The following EMP3 variants were observed in gnomAD, a reference collection of about 807,000 sequenced individuals.
EMP3 encodes epithelial membrane protein 3.
A neutral mutation model predicts 21.6 loss-of-function variants in EMP3; 15 were observed. The ratio of observed to expected loss-of-function variants is 0.69; its 90% CI spans 0.46 to 1.07. EMP3 has a LOEUF of 1.07. Ranked by LOEUF, EMP3 falls within the 50% of genes least tolerant of loss-of-function variation. The pLI, the probability that EMP3 is intolerant of heterozygous loss-of-function variation, is 0.00. For synonymous variants in EMP3, 107 were observed against 86.1 expected (o/e 1.24, Z -1.34); for missense variants, 183 against 206.6 (o/e 0.89, Z 0.70).
intron 1 of EMP3, 115 bp from the exon 2 acceptor site, chr19:48,326,715 C>T: frequency 1.2e-6 from 1 of 816,960 alleles, no homozygotes; most frequent in East Asian, 2.5e-5. Flanking sequence ...GTCTCGATCT[C>T]CTGACCTCAG....
chr19:48,329,216 C>A lies in EMP3; in HGVS notation c.182-136C>A. ...GGGCTCAAGGTCAAAATAAGTGATA[C>A]ATCTAAGTATCTAGGCTTGTATGGG... On this transcript the variant is annotated intron_variant, in intron 3 of 4. Coordinates refer to ENST00000270221, the MANE Select transcript of EMP3 (RefSeq NM_001425.3). The surrounding 1 kb of genome is among the most constrained non-coding windows in gnomAD (Gnocchi z 4.5). 9.8e-7 allele frequency: 1 copy of A among 1,024,298 alleles called. No homozygotes were observed. The highest frequency in any genetic ancestry group is 1.4e-6 in the Non-Finnish European group (1 of 707,508). 63.5% of individuals were successfully genotyped at this position (1,024,298 alleles called of 1,614,324 possible).
chr19:48,326,490 CA>C, intron 1 of EMP3, among the ~76,000 whole-genome samples: 1 of 128,668 alleles, frequency 7.8e-6, no homozygotes, highest in East Asian at 2.1e-4. Context: ...GCCTTTATGC[CA>C]AATTTTTTTT....
rs760407687 is a variant in EMP3 at position 48,327,589 on chromosome 19, C to T, written c.147C>T (p.Thr49=). 5 of 1,613,876 alleles carry T rather than the reference C, an allele frequency of 3.1e-6. No individual in the cohort carries two copies. In the Admixed American group the frequency reaches 8.3e-5, roughly 27 times the overall value. Residue 49 remains threonine, a synonymous_variant, in exon 3 of 5, where the codon ACC becomes ACT. Transcript: ENST00000270221. The part of the protein sequence containing the change: ...LWYDCTWNND[T]KTWACSNVSE... The stretch of plus-strand genomic sequence containing the variant: ...ACGACTGCACGTGGAACAACGACAC[C>T]AAAACATGGGCCTGCAGTAATGTCA...
chr19:48,327,768 T>C (rs1969148058), intron 3 of EMP3, 145 bp downstream of exon 3: 1 of 676,520 alleles, frequency 1.5e-6, no homozygotes, highest in East Asian at 2.8e-5. Context: ...CTAGGGCTAA[T>C]GCATGTCCCG....
At position 48,330,493 on chromosome 19, in the gene EMP3, C is replaced by A. The variant is rs922398588; in HGVS notation, c.*23C>A. The A allele has an allele frequency of 1.7e-5, 27 of 1,554,076 alleles. No individual in the cohort carries two copies. Among genetic ancestry groups the A allele is most frequent in the Non-Finnish European group, 2.2e-5 (26 of 1,159,304 alleles). ...TGAGCGCCCCGCCTCGCTCGGCTGCCCCCGCCCCTTCCCGGCCCCCCTCGC... is the reference window on the plus strand; with the variant it reads ...TGAGCGCCCCGCCTCGCTCGGCTGCACCCGCCCCTTCCCGGCCCCCCTCGC... On this transcript the variant is annotated 3_prime_UTR_variant, in exon 5 of 5. Transcript: ENST00000270221.
intron 3 of EMP3, 126 bp downstream of exon 3, chr19:48,327,749 G>T: frequency 1.3e-6 from 1 of 789,964 alleles, no homozygotes; most frequent in Non-Finnish European, 2.1e-6. Context: ...GGCCTGAGTG[G>T]CTGAGTGCCT....
intron 1 of EMP3, chr19:48,326,148 C>T (rs1277262753): frequency 6.6e-6 from 1 of 151,972 alleles, no homozygotes; most frequent in Non-Finnish European, 1.5e-5. Context: ...CTCACCAGGT[C>T]CCCCTCCTCC....
intron 2 of EMP3, 145 bp from the exon 3 acceptor site, chr19:48,327,376 C>T (rs1224388408): frequency 3.1e-6 from 2 of 646,046 alleles, no homozygotes; most frequent in African/African-American, 1.8e-5. Flanking sequence ...TGACCCTACC[C>T]CCTCTCATAT....
At position 48,326,453 on chromosome 19, in the gene EMP3, C is replaced by T. The variant is rs1250676431; in HGVS notation, c.-15-377C>T. ...AGACCCAGGAGTCTGCACCCATGCC[C>T]TTCCTCCATCAGGAGACATCTCACC... On this transcript the variant is annotated intron_variant, in intron 1 of 4. Transcript: ENST00000270221. Among the ~76,000 whole-genome samples the T allele has an allele frequency of 2.0e-5, 3 of 151,944 alleles. No homozygotes were observed. The East Asian group carries it at 5.8e-4, about 29-fold the overall frequency.
At position 48,329,378 on chromosome 19, in the gene EMP3, A is replaced by C. The variant is rs779411673; in HGVS notation, c.208A>C (p.Met70Leu). ...CTGGCTGAAGGCGGTGCAGGTCCTC[A>C]TGGTGCTCTCCCTCATTCTCTGCTG... Reference protein sequence around the residue: ...NGWLKAVQVLMVLSLILCCLS... With the variant: ...NGWLKAVQVLLVLSLILCCLS... Residue 70 changes from methionine (M) to leucine (L), a missense_variant, in exon 4 of 5, where the codon ATG becomes CTG. Transcript: ENST00000270221. The surrounding 1 kb of genome is among the most constrained non-coding windows in gnomAD (Gnocchi z 4.5). 1.2e-6 allele frequency: 2 copies of C among 1,613,994 alleles called. No homozygotes were observed. The highest frequency in any genetic ancestry group is 8.5e-7 in the Non-Finnish European group (1 of 1,179,996).
rs891521119 is a variant in EMP3 at position 48,329,620 on chromosome 19, G to C, written c.322+128G>C. On this transcript the variant is annotated intron_variant, in intron 4 of 4. Coordinates refer to ENST00000270221, the MANE Select transcript of EMP3 (RefSeq NM_001425.3). The surrounding 1 kb of genome is among the most constrained non-coding windows in gnomAD (Gnocchi z 4.5). Reference sequence around the variant, plus strand: ...AAAAACAACTTTCAACACCCCACGAGCCACAAGAGGTGCCTCCGTGGGCTA... The same window carrying C: ...AAAAACAACTTTCAACACCCCACGACCCACAAGAGGTGCCTCCGTGGGCTA... 7 of 1,237,978 alleles carry C rather than the reference G, an allele frequency of 5.7e-6. No individual in the cohort carries two copies. In the African/African-American group the frequency reaches 1.1e-4, roughly 19 times the overall value. 76.7% of individuals were successfully genotyped at this position (1,237,978 alleles called of 1,614,324 possible). A position where few individuals can be genotyped will look rare whatever the true frequency, so the allele number is the denominator to read the frequency against.
intron 2 of EMP3, among the ~76,000 whole-genome samples, chr19:48,327,182 G>A (rs1969136021): frequency 1.3e-5 from 2 of 152,024 alleles, no homozygotes; most frequent in South Asian, 4.2e-4. Flanking sequence ...AGAGGCACCT[G>A]CCACCAAGCC....
At position 48,326,466 on chromosome 19, in the gene EMP3, G is replaced by A. The variant is rs552475062; in HGVS notation, c.-15-364G>A. Among the ~76,000 whole-genome samples, 7 of 151,666 alleles carry A rather than the reference G, an allele frequency of 4.6e-5. No homozygotes were observed. In the South Asian group the frequency reaches 1.0e-3, roughly 23 times the overall value. Reference sequence around the variant, plus strand: ...TGCACCCATGCCCTTCCTCCATCAGGAGACATCTCACCTGCCTTTATGCCA... The same window carrying A: ...TGCACCCATGCCCTTCCTCCATCAGAAGACATCTCACCTGCCTTTATGCCA... On this transcript the variant is annotated intron_variant, in intron 1 of 4. Transcript: ENST00000270221.
Position 48,327,128 on chromosome 19 carries a change from G to A in EMP3, c.78+206G>A, listed in dbSNP as rs989120070. ...GCTCACTGCAACCTCGGCCTCCCGG[G>A]TTCAAGCGATTCTCCTGTCTCAGCC... On this transcript the variant is annotated intron_variant, in intron 2 of 4. Transcript: ENST00000270221. Among the ~76,000 whole-genome samples, 5 of 152,102 alleles carry A rather than the reference G, an allele frequency of 3.3e-5. No homozygotes were observed. The Middle Eastern group carries it at 0.01, about 310-fold the overall frequency.
chr19:48,326,656 A>G (rs568216753), intron 1 of EMP3, among the ~76,000 whole-genome samples, 174 bp from the exon 2 acceptor site: 2 of 151,832 alleles, frequency 1.3e-5, no homozygotes, highest in South Asian at 4.2e-4. Flanking sequence ...ACACCCAGCT[A>G]ATTTTGTATT....
Position 48,330,278 on chromosome 19 carries a change from CGTGT to C in EMP3, c.323-21_323-18del. 1.3e-6 allele frequency: 2 copies of C among 1,563,580 alleles called. No individual in the cohort carries two copies. Among genetic ancestry groups the C allele is most frequent in the Non-Finnish European group, 1.7e-6 (2 of 1,154,736 alleles). ...GTAGTCTTGAGGGGGCACTGCATGA[CGTGT>C]GGTTTTCATCTTCCGCAGGCGTGGC... On this transcript the variant is annotated intron_variant, in intron 4 of 4. Coordinates refer to ENST00000270221, the MANE Select transcript of EMP3 (RefSeq NM_001425.3).
In EMP3 at chr19:48,329,749, C is replaced by T. The variant is rs1241146987; in HGVS notation, c.322+257C>T. On this transcript the variant is annotated intron_variant, in intron 4 of 4. Coordinates refer to ENST00000270221, the MANE Select transcript of EMP3 (RefSeq NM_001425.3). This position sits in a 1 kb window ranked among gnomAD's most constrained non-coding sequence, Gnocchi z 4.5. ...CAGGGAACTCAGAGTTTCAGGGAGC[C>T]GGGGCTGGGGAAGGAGGTATAGGTA... is the stretch of plus-strand genomic sequence containing the variant. 6.6e-6 allele frequency among the ~76,000 whole-genome samples: 1 copy of T among 152,020 alleles called. No individual in the cohort carries two copies. The highest frequency in any genetic ancestry group is 2.1e-4 in the South Asian group (1 of 4,828).
At chr19:48,326,110 G>C (rs75294017) in intron 1 of EMP3, 1 of 151,310 alleles carries the variant, frequency 6.6e-6, no homozygotes, top group African/African-American at 2.4e-5. Flanking sequence ...TTAGAGATGG[G>C]GGGGGGTGGG....
chr19:48,329,191 G>T lies in EMP3; in HGVS notation c.182-161G>T. On this transcript the variant is annotated intron_variant, in intron 3 of 4. Coordinates refer to ENST00000270221, the MANE Select transcript of EMP3 (RefSeq NM_001425.3). The surrounding 1 kb of genome is among the most constrained non-coding windows in gnomAD (Gnocchi z 4.5). ...GAGAAGGGAATATAGCAAGGTAACA[G>T]GGCTCAAGGTCAAAATAAGTGATAC... is the stretch of plus-strand genomic sequence containing the variant. The T allele has an allele frequency of 1.2e-6, 1 of 807,392 alleles. No homozygotes were observed. 50.0% of individuals were successfully genotyped at this position (807,392 alleles called of 1,614,324 possible). A position where few individuals can be genotyped will look rare whatever the true frequency, so the allele number is the denominator to read the frequency against.
Sources: allele counts gnomAD v4.1 joint callset (sites outside exome capture counted in the v4.1 genomes callset), GRCh38; gene constraint gnomAD v4.1.1; non-coding constraint Gnocchi (gnomAD v3.1); transcripts MANE v1.5; gene names NCBI Gene and HGNC (gene_info 2026-07-23, HGNC 2026-07-21).